SULF1: variants seen among roughly 807,000 people sequenced by gnomAD.
SULF1 encodes extracellular sulfatase Sulf-1.
A neutral mutation model predicts 110.5 loss-of-function variants in SULF1; 46 were observed. The ratio of observed to expected loss-of-function variants is 0.42; its 90% CI spans 0.33 to 0.53. The LOEUF (loss-of-function observed/expected upper bound fraction) is 0.53. Ranked by LOEUF, SULF1 falls within the 20% of genes least tolerant of loss-of-function variation. The pLI, the probability that SULF1 is intolerant of heterozygous loss-of-function variation, is 0.12. For synonymous variants in SULF1, 371 were observed against 387.1 expected, an observed-to-expected ratio of 0.96 and a Z score of 0.49; for missense variants, 941 against 1,094.2, an observed-to-expected ratio of 0.86 and a Z score of 1.98.
intron 13 of SULF1, among the ~76,000 whole-genome samples, chr8:69,616,172 A>G (rs1237253415): frequency 1.4e-5 from 2 of 145,998 alleles, no homozygotes; most frequent in African/African-American, 5.1e-5. Flanking sequence ...ATACATATAT[A>G]TGTGTATATA....
At chr8:69,640,163 A>G (rs111779064) in intron 21 of SULF1, among the ~76,000 whole-genome samples, 11 of 149,826 alleles carry the variant, frequency 7.3e-5, no homozygotes, top group Non-Finnish European at 1.0e-4. Flanking sequence ...AAGAAAGAAA[A>G]AAAGAAAGAA....
At chr8:69,513,148 A>T (rs1175127751) in intron 3 of SULF1, among the ~76,000 whole-genome samples, 1 of 152,216 alleles carries the variant, frequency 6.6e-6, no homozygotes, top group Non-Finnish European at 1.5e-5. Flanking sequence ...TTGTTAATTT[A>T]AAAAACAAAG....
chr8:69,575,545 A>G (rs1361366701), intron 5 of SULF1, among the ~76,000 whole-genome samples: 2 of 152,000 alleles, frequency 1.3e-5, no homozygotes, highest in East Asian at 3.9e-4. Context: ...AAAATGCTAT[A>G]GTAGTAATCT....
At chr8:69,655,294 C>T (rs189011146) in intron 22 of SULF1, among the ~76,000 whole-genome samples, 2 of 152,306 alleles carry the variant, frequency 1.3e-5, no homozygotes, top group East Asian at 3.9e-4. Context: ...CCCATCTCTG[C>T]ATGGCTGCAG....
intron 3 of SULF1, among the ~76,000 whole-genome samples, chr8:69,560,299 A>C (rs1815392890): frequency 6.6e-6 from 1 of 150,626 alleles, no homozygotes; most frequent in Non-Finnish European, 1.5e-5. Context: ...AACATATGTG[A>C]CCTAAACTTC....
At chr8:69,475,559 A>G (rs1205471332) in intron 1 of SULF1, among the ~76,000 whole-genome samples, 1 of 152,186 alleles carries the variant, frequency 6.6e-6, no homozygotes, top group East Asian at 1.9e-4. Context: ...ATACTGAGGT[A>G]TCAAGCCCAG....
chr8:69,637,940 A>C (rs1811180967), intron 19 of SULF1: 2 of 153,932 alleles, frequency 1.3e-5, no homozygotes, highest in African/African-American at 4.8e-5. Context: ...TGTGGTATAA[A>C]AGATGTTTGT....
intron 1 of SULF1, among the ~76,000 whole-genome samples, chr8:69,486,951 G>T (rs1181855042): frequency 6.6e-6 from 1 of 152,334 alleles, no homozygotes; most frequent in African/African-American, 2.4e-5. Context: ...ACACGTCCTT[G>T]ATTTTTAAAT....
chr8:69,653,308 A>T (rs4738013), intron 22 of SULF1, among the ~76,000 whole-genome samples: 60,664 of 151,814 alleles, frequency 0.4, 12,340 homozygotes, highest in African/African-American at 0.47. Context: ...GGGCTCACGC[A>T]ATCCTCCCAT....
intron 3 of SULF1, among the ~76,000 whole-genome samples, chr8:69,540,697 G>A (rs1434079795): frequency 6.6e-6 from 1 of 152,156 alleles, no homozygotes; most frequent in East Asian, 1.9e-4. Flanking sequence ...AGGAGTGGAT[G>A]TTCTTGCTGT....
chr8:69,557,298 A>T (rs923411000), intron 3 of SULF1, among the ~76,000 whole-genome samples: 2 of 152,178 alleles, frequency 1.3e-5, no homozygotes, highest in Non-Finnish European at 2.9e-5. Flanking sequence ...ACTTTGTAAC[A>T]TATGCTTCAG....
At chr8:69,612,383 G>A (rs946551718) in intron 13 of SULF1, among the ~76,000 whole-genome samples, 3 of 152,138 alleles carry the variant, frequency 2.0e-5, no homozygotes, top group Admixed American at 6.5e-5. Flanking sequence ...TAGGATTGCT[G>A]GATCGAATGG....
At chr8:69,509,848 T>C (rs955960556) in intron 3 of SULF1, among the ~76,000 whole-genome samples, 1 of 152,220 alleles carries the variant, frequency 6.6e-6, no homozygotes, top group Admixed American at 6.5e-5. Context: ...GAAATGTCCC[T>C]CCTGGGTAAA....
In SULF1 at chr8:69,559,507, T is replaced by C. The variant is rs183741662; in HGVS notation, c.-133-4032T>C. ...GTGTAGTATACAAGTTTTCCAGAAT[T>C]CTAATTTTAACTTGAAAGGTAGATT... On this transcript the variant is annotated intron_variant, in intron 3 of 22. Coordinates refer to ENST00000402687, the MANE Select transcript of SULF1 (RefSeq NM_001128205.2). 2.0e-3 allele frequency among the ~76,000 whole-genome samples: 312 copies of C among 152,338 alleles called. 2 individuals are homozygous for C. The highest frequency in any genetic ancestry group is 5.7e-3 in the African/African-American group (239 of 41,590).
At chr8:69,597,287 C>T (rs1037665495) in intron 8 of SULF1, 4 of 152,240 alleles carry the variant, frequency 2.6e-5, no homozygotes, top group African/African-American at 4.8e-5. Flanking sequence ...TTGTCAATTC[C>T]AGTGACCCCC....
At chr8:69,533,670 C>A (rs1032851342) in intron 3 of SULF1, among the ~76,000 whole-genome samples, 1 of 152,002 alleles carries the variant, frequency 6.6e-6, no homozygotes, top group Admixed American at 6.6e-5. Context: ...GCATTTGGGT[C>A]GATTCCATGT....
chr8:69,591,974 G>A (rs566639981), intron 8 of SULF1, among the ~76,000 whole-genome samples: 2 of 152,332 alleles, frequency 1.3e-5, no homozygotes, highest in East Asian at 3.9e-4. Flanking sequence ...GGATGGGCAA[G>A]TGTCCCAATG....
intron 10 of SULF1, 48 bp downstream of exon 10, chr8:69,601,877 G>T (rs1563574249): frequency 3.9e-6 from 6 of 1,527,754 alleles, no homozygotes; most frequent in Non-Finnish European, 4.4e-6. Flanking sequence ...CCTCAAGTGT[G>T]TCTAAGATAA....
intron 1 of SULF1, among the ~76,000 whole-genome samples, chr8:69,478,019 A>G (rs558519417): frequency 6.6e-6 from 1 of 152,044 alleles, no homozygotes; most frequent in South Asian, 2.1e-4. Flanking sequence ...AGCCTGGCTA[A>G]ATTTTTCCTA....
Sources: allele counts gnomAD v4.1 joint callset (sites outside exome capture counted in the v4.1 genomes callset), GRCh38; gene constraint gnomAD v4.1.1; transcripts MANE v1.5; gene names NCBI Gene and HGNC (gene_info 2026-07-23, HGNC 2026-07-21).